Variants in SNTB1 observed in about 807,000 individuals in gnomAD.
SNTB1 encodes the protein beta-1-syntrophin.
A neutral mutation model predicts 48.9 loss-of-function variants in SNTB1; 36 were observed. The ratio of observed to expected loss-of-function variants is 0.74; its 90% CI spans 0.56 to 0.97. The LOEUF (loss-of-function observed/expected upper bound fraction) is 0.97, where lower values mean the gene tolerates loss of function less well. Among genes scored for constraint, SNTB1 ranks in the 50% least tolerant of loss-of-function variants. SNTB1 has a pLI of 0.00. For synonymous variants in SNTB1, 299 were observed against 294.6 expected, an observed-to-expected ratio of 1.01 and a Z score of -0.15; for missense variants, 786 against 703.4, an observed-to-expected ratio of 1.12 and a Z score of -1.33.
At chr8:120,694,023 T>A in intron 1 of SNTB1, 115 bp from the exon 2 acceptor site, 1 of 784,020 alleles carries the variant, frequency 1.3e-6, no homozygotes, top group Non-Finnish European at 2.1e-6. Flanking sequence ...CTGAACTTCT[T>A]AAATTCTCAA....
intron 1 of SNTB1, among the ~76,000 whole-genome samples, chr8:120,800,418 G>C (rs1820204549): frequency 6.6e-6 from 1 of 152,038 alleles, no homozygotes; most frequent in Non-Finnish European, 1.5e-5. Context: ...GACATTTTCA[G>C]ATATTTACCT....
intron 3 of SNTB1, among the ~76,000 whole-genome samples, chr8:120,620,994 A>C (rs10955979): frequency 0.22 from 31,488 of 143,630 alleles, 4,915 homozygotes; most frequent in East Asian, 0.63. Context: ...CTCTCTCTCT[A>C]CCTCCCCCAG....
At chr8:120,554,714 T>C (rs1306442345) in intron 4 of SNTB1, among the ~76,000 whole-genome samples, 1 of 152,216 alleles carries the variant, frequency 6.6e-6, no homozygotes, top group South Asian at 2.1e-4. Flanking sequence ...CCGCAGGCTA[T>C]AGCTATGGAG....
chr8:120,755,142 TTG>T (rs71308607), intron 1 of SNTB1, among the ~76,000 whole-genome samples: 250 of 59,430 alleles, frequency 4.2e-3, no homozygotes, highest in East Asian at 9.4e-3. Flanking sequence ...TGCTGTGGTG[TTG>T]TGTGTGTGTG....
chr8:120,702,006 G>T (rs1013418839), intron 1 of SNTB1, among the ~76,000 whole-genome samples: 18 of 152,188 alleles, frequency 1.2e-4, no homozygotes, highest in Non-Finnish European at 1.3e-4. Flanking sequence ...CCAAAGTAAG[G>T]CAATGGACCC....
intron 2 of SNTB1, among the ~76,000 whole-genome samples, chr8:120,646,103 T>A (rs1817292750): frequency 6.8e-6 from 1 of 146,864 alleles, no homozygotes; most frequent in Admixed American, 6.8e-5. Flanking sequence ...AATCATGTCG[T>A]CTGCAAACAG....
chr8:120,652,231 T>C (rs1817421120), intron 2 of SNTB1, among the ~76,000 whole-genome samples: 1 of 152,202 alleles, frequency 6.6e-6, no homozygotes, highest in Non-Finnish European at 1.5e-5. Context: ...GCTTTTCTGG[T>C]AACAGGCTTT....
rs567526072 is a variant in SNTB1, at chr8:120,740,627, T to G, written c.572-46719A>C. On this transcript the variant is annotated intron_variant, in intron 1 of 6. Coordinates refer to ENST00000517992, the MANE Select transcript of SNTB1 (RefSeq NM_021021.4). The stretch of plus-strand genomic sequence containing the variant: ...CCTTATGTTAAGCAGCTCCAGGCAT[T>G]CCACAACAGTCTCCATAGCAGCAAA... 1.8e-3 allele frequency among the ~76,000 whole-genome samples: 269 copies of G among 152,250 alleles called. 2 individuals are homozygous for G. The highest frequency in any genetic ancestry group is 6.4e-3 in the African/African-American group (266 of 41,554).
At chr8:120,574,243 G>A (rs531925995) in intron 4 of SNTB1, among the ~76,000 whole-genome samples, 5 of 152,178 alleles carry the variant, frequency 3.3e-5, no homozygotes, top group Admixed American at 1.3e-4. Context: ...CAAAGGGCAC[G>A]AAATTTTTGT....
intron 1 of SNTB1, among the ~76,000 whole-genome samples, chr8:120,800,161 C>A (rs1414253544): frequency 1.3e-5 from 2 of 152,014 alleles, no homozygotes; most frequent in Non-Finnish European, 2.9e-5. Flanking sequence ...CCCAGGGGAA[C>A]CTCCAAACAT....
In SNTB1 at chr8:120,573,809, T is replaced by C. The variant is rs534105216; in HGVS notation, c.1136+1277A>G. On this transcript the variant is annotated intron_variant, in intron 4 of 6. Coordinates refer to ENST00000517992, the MANE Select transcript of SNTB1 (RefSeq NM_021021.4). Reference sequence around the variant, plus strand: ...AATATCCTTTCTCCATTGTGTATTCTTGGCACCCTTGTCAACAATCAGATG... The same window carrying C: ...AATATCCTTTCTCCATTGTGTATTCCTGGCACCCTTGTCAACAATCAGATG... Among the ~76,000 whole-genome samples the C allele has an allele frequency of 3.9e-5, 6 of 152,346 alleles. No homozygotes were observed. The East Asian group carries it at 5.8e-4, about 15-fold the overall frequency.
At chr8:120,565,560 C>T (rs1344266654) in intron 4 of SNTB1, among the ~76,000 whole-genome samples, 1 of 152,086 alleles carries the variant, frequency 6.6e-6, no homozygotes, top group Non-Finnish European at 1.5e-5. Context: ...TGCAAAATAC[C>T]AGGGAAAATG....
At chr8:120,630,011 A>G (rs1816954327) in intron 3 of SNTB1, among the ~76,000 whole-genome samples, 2 of 152,360 alleles carry the variant, frequency 1.3e-5, no homozygotes, top group Admixed American at 1.3e-4. Flanking sequence ...TTTTAATTTC[A>G]TGAATAGTGG....
At chr8:120,797,391 C>T (rs975472786) in intron 1 of SNTB1, among the ~76,000 whole-genome samples, 2 of 151,870 alleles carry the variant, frequency 1.3e-5, no homozygotes, top group African/African-American at 2.4e-5. Flanking sequence ...ATCGGGACAG[C>T]ACATATGACT....
intron 2 of SNTB1, among the ~76,000 whole-genome samples, chr8:120,661,579 A>G (rs1817588935): frequency 6.6e-6 from 1 of 152,166 alleles, no homozygotes; most frequent in Non-Finnish European, 1.5e-5. Flanking sequence ...TGCTGCACCT[A>G]TCAACCCGTC....
intron 2 of SNTB1, among the ~76,000 whole-genome samples, chr8:120,683,325 C>T (rs539521753): frequency 1.7e-4 from 26 of 152,228 alleles, no homozygotes; most frequent in African/African-American, 6.3e-4. Context: ...TTTCCAGTTC[C>T]AGCAAAACAA....
chr8:120,764,274 G>T (rs1819478088), intron 1 of SNTB1, among the ~76,000 whole-genome samples: 1 of 152,152 alleles, frequency 6.6e-6, no homozygotes, highest in African/African-American at 2.4e-5. Flanking sequence ...CAATGAGGCA[G>T]CTTCTCAAGT....
chr8:120,571,043 A>G (rs4455882), intron 4 of SNTB1: 246,624 of 439,396 alleles, frequency 0.56, 74,923 homozygotes, highest in Non-Finnish European at 0.65. Flanking sequence ...CCCTTGTCCC[A>G]ATTATAACTC....
At chr8:120,556,791 G>T (rs1815573439) in intron 4 of SNTB1, among the ~76,000 whole-genome samples, 1 of 152,194 alleles carries the variant, frequency 6.6e-6, no homozygotes, top group Non-Finnish European at 1.5e-5. Context: ...TTTCTCTTGA[G>T]ATTAATTTGC....
Sources: gnomAD v4.1 joint callset for allele counts (sites outside exome capture counted in the v4.1 genomes callset) on GRCh38, gnomAD v4.1.1 for gene constraint, MANE v1.5 for transcripts, NCBI Gene and HGNC (gene_info 2026-07-23, HGNC 2026-07-21) for gene names.